WDR89: variants seen among roughly 807,000 people sequenced by gnomAD.
WDR89 encodes WD repeat domain 89.
WDR89 carries 17 observed loss-of-function variants against 29.1 expected under a neutral mutation model. The observed-to-expected ratio is 0.58, with a 90% CI of 0.40 to 0.88. WDR89 has a LOEUF of 0.88. Ranked by LOEUF, WDR89 falls within the 40% of genes least tolerant of loss-of-function variation. The pLI, the probability that WDR89 is intolerant of heterozygous loss-of-function variation, is 0.00. For synonymous variants in WDR89, 138 were observed against 157.8 expected, an observed-to-expected ratio of 0.87 and a Z score of 0.94; for missense variants, 396 against 456.3, an observed-to-expected ratio of 0.87 and a Z score of 1.20.
At chr14:63,614,810 TA>T (rs1882207569) in intron 2 of WDR89, among the ~76,000 whole-genome samples, 1 of 152,230 alleles carries the variant, frequency 6.6e-6, no homozygotes, top group Admixed American at 6.5e-5. Context: ...GAAGGTATGC[TA>T]AACTGACATC....
chr14:63,601,281 G>A (rs1195019195), intron 2 of WDR89, among the ~76,000 whole-genome samples: 1 of 151,770 alleles, frequency 6.6e-6, no homozygotes, highest in Non-Finnish European at 1.5e-5. Context: ...GAATCCTGGA[G>A]AAGTCCTTCT....
At position 63,641,577 on chromosome 14, in the gene WDR89, C is replaced by T. The variant is rs151334114; in HGVS notation, c.-138+227G>A. ...CTGCACCGGCAACAGCAGCCTGACCCGCAGAAGTTTCTTTGGCCAGGGCCA... is the reference window on the plus strand; with the variant it reads ...CTGCACCGGCAACAGCAGCCTGACCTGCAGAAGTTTCTTTGGCCAGGGCCA... On this transcript the variant is annotated intron_variant, in intron 1 of 2. Transcript: ENST00000620954. Among the ~76,000 whole-genome samples the T allele has an allele frequency of 1.6e-4, 25 of 152,364 alleles. 1 individual carries two copies. In the East Asian group the frequency reaches 4.2e-3, roughly 26 times the overall value.
chr14:63,625,846 GAGT>G (rs1362969252), intron 1 of WDR89, among the ~76,000 whole-genome samples: 1 of 151,296 alleles, frequency 6.6e-6, no homozygotes, highest in African/African-American at 2.4e-5. Context: ...TACAATTTTG[GAGT>G]AGAAGAGGAC....
At chr14:63,613,564 C>A (rs939961027) in intron 2 of WDR89, among the ~76,000 whole-genome samples, 1 of 148,014 alleles carries the variant, frequency 6.8e-6, no homozygotes, top group Non-Finnish European at 1.5e-5. Context: ...AGTGCAGTGG[C>A]GTGATCTCGG....
At chr14:63,612,885 G>C (rs1449795705) in intron 2 of WDR89, among the ~76,000 whole-genome samples, 1 of 152,144 alleles carries the variant, frequency 6.6e-6, no homozygotes, top group Non-Finnish European at 1.5e-5. Context: ...GAAGCAGCCC[G>C]TAAGAGTGGA....
intron 1 of WDR89, among the ~76,000 whole-genome samples, chr14:63,629,827 G>A (rs1312363801): frequency 1.3e-5 from 2 of 152,160 alleles, no homozygotes; most frequent in Admixed American, 6.6e-5. Flanking sequence ...CATTCAGTGT[G>A]TTACAGGGAA....
At chr14:63,619,560 T>C (rs1464628598) in intron 2 of WDR89, among the ~76,000 whole-genome samples, 1 of 152,142 alleles carries the variant, frequency 6.6e-6, no homozygotes, top group Non-Finnish European at 1.5e-5. Context: ...CTGCTTCACT[T>C]GACAAGGCTT....
At position 63,599,422 on chromosome 14, in the gene WDR89, G is replaced by C. The variant is rs1288479538; in HGVS notation, c.521C>G (p.Thr174Ser). The C allele has an allele frequency of 3.1e-6, 5 of 1,614,176 alleles. No individual in the cohort carries two copies. Among genetic ancestry groups the C allele is most frequent in the South Asian group, 2.2e-5 (2 of 91,078 alleles). ...ATTGCTGGGATGGAAACGTACTTGA[G>C]TGACATCATCACTATGTGTCTCTGA... ...AYSETHSDDV[T>S]QVRFHPSNPN... Residue 174 changes from threonine (T) to serine (S), a missense_variant, in exon 3 of 3, where the codon ACT (threonine) becomes AGT (serine). Physicochemically the swap from Thr to Ser is moderately conservative, Grantham distance 58. Transcript: ENST00000620954.
intron 2 of WDR89, among the ~76,000 whole-genome samples, chr14:63,614,732 T>C (rs896457125): frequency 9.9e-5 from 15 of 152,208 alleles, no homozygotes; most frequent in African/African-American, 3.1e-4. Flanking sequence ...TAACACAGAA[T>C]TAGCTCTAAG....
chr14:63,636,889 T>C lies in WDR89; in HGVS notation c.-138+4915A>G, dbSNP rs944285342. Among the ~76,000 whole-genome samples the C allele has an allele frequency of 2.6e-5, 4 of 152,048 alleles. No individual in the cohort carries two copies. The East Asian group carries it at 7.7e-4, about 29-fold the overall frequency. On this transcript the variant is annotated intron_variant, in intron 1 of 2. Transcript: ENST00000620954. Reference sequence around the variant, plus strand: ...TCATGACCAAGAACCCAAAAGCAAATGCAATAAAAACAAAGATAAATAGCT... The same window carrying C: ...TCATGACCAAGAACCCAAAAGCAAACGCAATAAAAACAAAGATAAATAGCT...
chr14:63,610,611 T>C (rs60900684), intron 2 of WDR89, among the ~76,000 whole-genome samples: 6 of 152,252 alleles, frequency 3.9e-5, no homozygotes, highest in African/African-American at 1.2e-4. Flanking sequence ...GAAAGGCATT[T>C]CATTCACCTC....
In WDR89 at chr14:63,599,138, T is replaced by C. The variant is rs140383002; in HGVS notation, c.805A>G (p.Met269Val). 2.9e-5 allele frequency: 46 copies of C among 1,613,766 alleles called. No individual in the cohort carries two copies. The highest frequency in any genetic ancestry group is 3.6e-5 in the Non-Finnish European group (43 of 1,179,820). ...NIQDVREVVN[M>V]KEDALDYLIG... ...AAATAGTCCAAAGCATCTTCTTTCA[T>C]GTTAACTACTTCTCTGACATCCTGG... The change falls in exon 3 of 3, where the codon ATG becomes GTG. Residue 269 changes from methionine (M) to valine (V), a missense_variant. Transcript: ENST00000620954.
chr14:63,599,602 G>C lies in WDR89; in HGVS notation c.341C>G (p.Pro114Arg). 6.2e-7 allele frequency: 1 copy of C among 1,614,044 alleles called. No individual in the cohort carries two copies. The highest frequency in any genetic ancestry group is 8.5e-7 in the Non-Finnish European group (1 of 1,179,986). The change falls in exon 3 of 3, where the codon CCT becomes CGT. Residue 114 changes from proline to arginine, a missense_variant. Transcript: ENST00000620954. Reference protein sequence around the residue: ...EKPVQLFKGYPSNIFISFDIN... With the variant: ...EKPVQLFKGYRSNIFISFDIN... ...ATCAAAACTGATAAAAATATTGGAA[G>C]GGTAACCCTTGAAGAGCTGAACAGG... is the stretch of plus-strand genomic sequence containing the variant.
intron 2 of WDR89, among the ~76,000 whole-genome samples, chr14:63,611,777 A>G (rs1595023395): frequency 7.1e-6 from 1 of 141,130 alleles, no homozygotes; most frequent in Non-Finnish European, 1.5e-5. Flanking sequence ...CCCAGGCTAG[A>G]GTGCTGTGGT....
chr14:63,633,934 G>C (rs17101328), intron 1 of WDR89, among the ~76,000 whole-genome samples: 5,819 of 152,268 alleles, frequency 0.038, 138 homozygotes, highest in South Asian at 0.084. Flanking sequence ...TTAGACTTAA[G>C]CTATCAAACC....
At position 63,621,496 on chromosome 14, in the gene WDR89, G is replaced by A. The variant is rs568722443; in HGVS notation, c.-32+3432C>T. Among the ~76,000 whole-genome samples the A allele has an allele frequency of 2.0e-5, 3 of 152,186 alleles. No individual in the cohort carries two copies. The South Asian group carries it at 6.2e-4, about 32-fold the overall frequency. ...ACCTGTAATCCCAGCTACTAGGGAG[G>A]CTAAAGCAGGAGAATCGCCTGAACC... On this transcript the variant is annotated intron_variant, in intron 2 of 2. Transcript: ENST00000620954.
At chr14:63,638,433 T>C (rs1333141737) in intron 1 of WDR89, among the ~76,000 whole-genome samples, 3 of 152,102 alleles carry the variant, frequency 2.0e-5, no homozygotes, top group African/African-American at 7.2e-5. Flanking sequence ...AAAAATAAAT[T>C]TAAAAGTAAA....
chr14:63,639,809 T>C (rs1018770724), intron 1 of WDR89, among the ~76,000 whole-genome samples: 3 of 152,176 alleles, frequency 2.0e-5, no homozygotes, highest in African/African-American at 7.2e-5. Flanking sequence ...ATGACTTTAG[T>C]ACAAAAGTAC....
At chr14:63,618,707 A>AC (rs1882479133) in intron 2 of WDR89, among the ~76,000 whole-genome samples, 1 of 152,186 alleles carries the variant, frequency 6.6e-6, no homozygotes, top group South Asian at 2.1e-4. Context: ...AAACAAACAA[A>AC]AAAAACCTGA....
Sources: allele counts gnomAD v4.1 joint callset (sites outside exome capture counted in the v4.1 genomes callset), GRCh38; gene constraint gnomAD v4.1.1; transcripts MANE v1.5; gene names NCBI Gene and HGNC (gene_info 2026-07-23, HGNC 2026-07-21).